The following COL15A1 variants were observed in gnomAD, a reference collection of about 807,000 sequenced individuals.
The protein encoded by COL15A1 is collagen type XV alpha 1 chain.
A neutral mutation model predicts 165.9 loss-of-function variants in COL15A1; 111 were observed. That is an observed-to-expected ratio of 0.67 (90% CI 0.57 to 0.78). The LOEUF (loss-of-function observed/expected upper bound fraction) is 0.78, where lower values mean the gene tolerates loss of function less well. Among genes scored for constraint, COL15A1 ranks in the 30% least tolerant of loss-of-function variants. COL15A1 has a pLI of 0.00. For synonymous variants in COL15A1, 659 were observed against 674.8 expected (o/e 0.98, Z 0.36); for missense variants, 1,745 against 1,789.7 (o/e 0.98, Z 0.45).
At chr9:98,953,467 A>G (rs1156834198) in intron 2 of COL15A1, among the ~76,000 whole-genome samples, 1 of 151,950 alleles carries the variant, frequency 6.6e-6, no homozygotes, top group African/African-American at 2.4e-5. Flanking sequence ...ACCTAATCCA[A>G]TTCAACCCAC....
In COL15A1 at chr9:98,986,123, G is replaced by A. The variant is rs956964338; in HGVS notation, c.648+11G>A. On this transcript the variant is annotated intron_variant, in intron 3 of 41. Coordinates refer to ENST00000375001, the MANE Select transcript of COL15A1 (RefSeq NM_001855.5). ...CTCGAGAGATTCACTGTGAGTTAAAGTCCCACTCCAGGTAGATCAGGGAGG... is the reference window on the plus strand; with the variant it reads ...CTCGAGAGATTCACTGTGAGTTAAAATCCCACTCCAGGTAGATCAGGGAGG... 3 of 1,606,738 alleles carry A rather than the reference G, an allele frequency of 1.9e-6. No homozygotes were observed. Among genetic ancestry groups the A allele is most frequent in the African/African-American group, 2.7e-5 (2 of 74,750 alleles).
chr9:99,007,866 G>A (rs1838789893), intron 9 of COL15A1, among the ~76,000 whole-genome samples: 1 of 152,150 alleles, frequency 6.6e-6, no homozygotes, highest in Non-Finnish European at 1.5e-5. Context: ...GAGACTTGTA[G>A]CCAGTACAAA....
At chr9:98,970,667 G>A (rs1272902420) in intron 2 of COL15A1, among the ~76,000 whole-genome samples, 1 of 152,192 alleles carries the variant, frequency 6.6e-6, no homozygotes, top group Non-Finnish European at 1.5e-5. Flanking sequence ...AACAAATGAA[G>A]TCTGAATTGC....
intron 2 of COL15A1, among the ~76,000 whole-genome samples, chr9:98,952,304 G>A (rs938576807): frequency 1.8e-4 from 27 of 151,976 alleles, no homozygotes; most frequent in Admixed American, 4.6e-4. Context: ...TAGGGCTGTC[G>A]TTTTCTTCAA....
At chr9:98,979,345 G>T (rs1386100963) in intron 2 of COL15A1, among the ~76,000 whole-genome samples, 2 of 152,190 alleles carry the variant, frequency 1.3e-5, no homozygotes, top group African/African-American at 4.8e-5. Flanking sequence ...GCAGGAGAAG[G>T]CCTGCTGCCT....
intron 2 of COL15A1, among the ~76,000 whole-genome samples, chr9:98,944,609 T>TA (rs1330762741): frequency 2.0e-5 from 3 of 152,268 alleles, no homozygotes; most frequent in African/African-American, 7.2e-5. Context: ...GCGTGCTGGC[T>TA]GGCTTCTGGT....
chr9:98,981,347 C>T (rs534128779), intron 2 of COL15A1, among the ~76,000 whole-genome samples: 1 of 152,086 alleles, frequency 6.6e-6, no homozygotes, highest in African/African-American at 2.4e-5. Flanking sequence ...ATCCCAGCTA[C>T]TCAGGAGGCT....
chr9:98,979,131 GA>G (rs1838189815), intron 2 of COL15A1, among the ~76,000 whole-genome samples: 1 of 152,158 alleles, frequency 6.6e-6, no homozygotes, highest in African/African-American at 2.4e-5. Flanking sequence ...CATTCCCAAA[GA>G]TGGGAATTTT....
In COL15A1 at chr9:98,962,760, A is replaced by G. The variant is rs193295521; in HGVS notation, c.100+18510A>G. On this transcript the variant is annotated intron_variant, in intron 2 of 41. Transcript: ENST00000375001. ...ATACATGGACATTTTCTGTCTACAG[A>G]TACCTAACACCTGTGTGTTGAGGGG... 3.1e-3 allele frequency among the ~76,000 whole-genome samples: 465 copies of G among 152,314 alleles called. 1 individual carries two copies. Among genetic ancestry groups the G allele is most frequent in the Middle Eastern group, 0.01 (3 of 294 alleles).
chr9:98,971,264 T>C (rs1838046364), intron 2 of COL15A1, among the ~76,000 whole-genome samples: 1 of 152,178 alleles, frequency 6.6e-6, no homozygotes, highest in African/African-American at 2.4e-5. Context: ...TCCCATCCCA[T>C]GCCCCTCACG....
intron 5 of COL15A1, among the ~76,000 whole-genome samples, chr9:98,991,178 AACAAAGC>A (rs1225753630): frequency 6.6e-6 from 1 of 152,194 alleles, no homozygotes; most frequent in Non-Finnish European, 1.5e-5. Flanking sequence ...AGAGCAAAAG[AACAAAGC>A]TTCCACAATG....
At chr9:98,994,647 C>T (rs1032741636) in intron 5 of COL15A1, among the ~76,000 whole-genome samples, 13 of 152,128 alleles carry the variant, frequency 8.5e-5, no homozygotes, top group African/African-American at 2.7e-4. Context: ...AGGGCTCAGC[C>T]AAGGACCTAG....
chr9:99,057,842 C>T (rs1189319341), intron 35 of COL15A1, among the ~76,000 whole-genome samples: 2 of 152,164 alleles, frequency 1.3e-5, no homozygotes, highest in Non-Finnish European at 2.9e-5. Flanking sequence ...GAGTCCTTGG[C>T]ATAAGGAGAG....
rs1025428459 is a variant in COL15A1, at chr9:98,988,550, C to T, written c.724-628C>T. ...TTGGGAGAGTGGTGGGGACCTGGAT[C>T]GAATGAAAGTAGATATGTTAGAGAG... On this transcript the variant is annotated intron_variant, in intron 4 of 41. Transcript: ENST00000375001. 5.2e-4 allele frequency among the ~76,000 whole-genome samples: 79 copies of T among 151,980 alleles called. 1 individual carries two copies. The highest frequency in any genetic ancestry group is 1.8e-3 in the African/African-American group (76 of 41,352).
At chr9:98,959,245 A>C (rs1837828536) in intron 2 of COL15A1, among the ~76,000 whole-genome samples, 3 of 150,194 alleles carry the variant, frequency 2.0e-5, no homozygotes, top group Non-Finnish European at 3.0e-5. Context: ...AAAAAAAAAA[A>C]AACTAAAAAC....
chr9:98,981,410 T>C (rs1174741287), intron 2 of COL15A1, among the ~76,000 whole-genome samples: 1 of 152,066 alleles, frequency 6.6e-6, no homozygotes, highest in African/African-American at 2.4e-5. Flanking sequence ...TGAGCCGAGA[T>C]TGTGCCACTG....
chr9:98,960,526 C>A (rs1022390403), intron 2 of COL15A1, among the ~76,000 whole-genome samples: 1 of 152,188 alleles, frequency 6.6e-6, no homozygotes, highest in African/African-American at 2.4e-5. Flanking sequence ...TGTACCTTAA[C>A]CAGGCCCCCA....
chr9:98,986,999 T>C (rs550423148), intron 3 of COL15A1, among the ~76,000 whole-genome samples: 26 of 152,046 alleles, frequency 1.7e-4, no homozygotes, highest in Non-Finnish European at 3.2e-4. Flanking sequence ...GGCCTGCCGC[T>C]GACAAGCTGG....
chr9:99,048,509 G>A (rs2117863283), intron 28 of COL15A1, among the ~76,000 whole-genome samples: 1 of 151,764 alleles, frequency 6.6e-6, no homozygotes, highest in South Asian at 2.1e-4. Context: ...ACCAGACACT[G>A]TGCAAAGTGA....
Sources: allele counts gnomAD v4.1 joint callset (sites outside exome capture counted in the v4.1 genomes callset), GRCh38; gene constraint gnomAD v4.1.1; transcripts MANE v1.5; gene names NCBI Gene and HGNC (gene_info 2026-07-23, HGNC 2026-07-21).